Variants in UBE2E2 observed in about 807,000 individuals in gnomAD.
UBE2E2 encodes ubiquitin conjugating enzyme E2 E2.
A neutral mutation model predicts 24.7 loss-of-function variants in UBE2E2; 6 were observed. The observed-to-expected ratio is 0.24, with a 90% CI of 0.13 to 0.48. The LOEUF is 0.48. UBE2E2 is among the 20% of genes least tolerant of loss of function. The probability of loss-of-function intolerance (pLI) is 0.99; values close to 1 mark genes in which losing one functional copy is unlikely to be tolerated. For synonymous variants in UBE2E2, 104 were observed against 83.6 expected, an observed-to-expected ratio of 1.24 and a Z score of -1.33; for missense variants, 169 against 245.0, an observed-to-expected ratio of 0.69 and a Z score of 2.07.
intron 5 of UBE2E2, among the ~76,000 whole-genome samples, chr3:23,582,956 G>C (rs1696522526): frequency 6.6e-6 from 1 of 151,060 alleles, no homozygotes; most frequent in African/African-American, 2.4e-5. Context: ...GTCAATTTTT[G>C]TTTTTGTCGT....
intron 1 of UBE2E2, among the ~76,000 whole-genome samples, chr3:23,206,604 T>C (rs1159089569): frequency 1.3e-5 from 2 of 152,142 alleles, no homozygotes; most frequent in Admixed American, 6.6e-5. Flanking sequence ...TGGTGGTGTG[T>C]GTGGTGTGTC....
At chr3:23,270,814 C>T in intron 3 of UBE2E2, 1 of 408,924 alleles carries the variant, frequency 2.4e-6, no homozygotes, top group South Asian at 1.8e-5. Flanking sequence ...ATTCATTTAA[C>T]ACACTCTCTT....
intron 3 of UBE2E2, among the ~76,000 whole-genome samples, chr3:23,296,869 C>T (rs1698924585): frequency 1.3e-5 from 2 of 152,180 alleles, no homozygotes; most frequent in Admixed American, 1.3e-4. Flanking sequence ...TTCTAGATCC[C>T]TGAGGAGTCA....
intron 5 of UBE2E2, among the ~76,000 whole-genome samples, chr3:23,550,507 A>G (rs759776237): frequency 4.6e-5 from 7 of 152,192 alleles, no homozygotes; most frequent in South Asian, 2.1e-4. Flanking sequence ...GTCAAAGACT[A>G]TGTTGTCCAG....
intron 3 of UBE2E2, among the ~76,000 whole-genome samples, chr3:23,236,312 A>G (rs1011684094): frequency 1.3e-5 from 2 of 152,206 alleles, no homozygotes; most frequent in African/African-American, 4.8e-5. Flanking sequence ...TGAGATTTCA[A>G]GAGTAATTTC....
chr3:23,263,869 G>A lies in UBE2E2; in HGVS notation c.227+46557G>A, dbSNP rs191973980. ...TTAAAATTTTGGCGAAACTGCATAG[G>A]TCAGTTGTATCTTAGAATAGATAAA... On this transcript the variant is annotated intron_variant, in intron 3 of 5. Coordinates refer to ENST00000396703, the MANE Select transcript of UBE2E2 (RefSeq NM_152653.4). Among the ~76,000 whole-genome samples, 938 of 152,140 alleles carry A rather than the reference G, an allele frequency of 6.2e-3. 14 individuals carry two copies. Among genetic ancestry groups the A allele is most frequent in the African/African-American group, 0.021 (870 of 41,526 alleles).
Position 23,522,423 on chromosome 3 carries a change from C to T in UBE2E2, c.361-10131C>T, listed in dbSNP as rs1338735266. Among the ~76,000 whole-genome samples the T allele has an allele frequency of 6.6e-5, 10 of 152,160 alleles. No individual in the cohort carries two copies. In the East Asian group the frequency reaches 1.2e-3, roughly 18 times the overall value. On this transcript the variant is annotated intron_variant, in intron 4 of 5. Transcript: ENST00000396703. ...CTGGGATTACAGGCGTGAGCCACCGCGCCTGGCCATAACCAGCTTATTTTT... is the reference window on the plus strand; with the variant it reads ...CTGGGATTACAGGCGTGAGCCACCGTGCCTGGCCATAACCAGCTTATTTTT...
chr3:23,331,778 A>G (rs1695065886), intron 3 of UBE2E2, among the ~76,000 whole-genome samples: 1 of 152,124 alleles, frequency 6.6e-6, no homozygotes, highest in Non-Finnish European at 1.5e-5. Context: ...AGGATATGGT[A>G]AAGACTTTGG....
chr3:23,557,033 G>A (rs1346579421), intron 5 of UBE2E2, among the ~76,000 whole-genome samples: 1 of 152,146 alleles, frequency 6.6e-6, no homozygotes, highest in South Asian at 2.1e-4. Flanking sequence ...ACTCCTAAAG[G>A]AAGACCTAAA....
intron 3 of UBE2E2, among the ~76,000 whole-genome samples, chr3:23,418,206 C>G (rs1389329897): frequency 6.6e-6 from 1 of 152,198 alleles, no homozygotes; most frequent in East Asian, 1.9e-4. Context: ...GAGGGAATCT[C>G]CTGGTCTGCA....
chr3:23,458,966 G>T (rs907345478), intron 3 of UBE2E2, among the ~76,000 whole-genome samples: 3 of 152,104 alleles, frequency 2.0e-5, no homozygotes, highest in African/African-American at 7.2e-5. Context: ...AGAAAGTAAG[G>T]TCATCATGAG....
At chr3:23,328,898 A>G (rs1193958869) in intron 3 of UBE2E2, among the ~76,000 whole-genome samples, 1 of 152,024 alleles carries the variant, frequency 6.6e-6, no homozygotes, top group African/African-American at 2.4e-5. Flanking sequence ...CTGACCTCAA[A>G]TGATCCGCCC....
chr3:23,278,231 A>C (rs915992923), intron 3 of UBE2E2, among the ~76,000 whole-genome samples: 1 of 152,148 alleles, frequency 6.6e-6, no homozygotes, highest in South Asian at 2.1e-4. Flanking sequence ...TGTATGTATG[A>C]AAAACAGTAT....
intron 5 of UBE2E2, among the ~76,000 whole-genome samples, chr3:23,550,730 T>C (rs1262494913): frequency 3.3e-5 from 5 of 152,276 alleles, no homozygotes; most frequent in Admixed American, 6.5e-5. Context: ...CCCAGCTTAC[T>C]GCCTAGAAGC....
intron 3 of UBE2E2, among the ~76,000 whole-genome samples, chr3:23,372,457 A>G (rs186350133): frequency 7.0e-4 from 106 of 152,294 alleles, no homozygotes; most frequent in Admixed American, 2.0e-3. Context: ...CCTCTGCACT[A>G]TTAGTTGGTG....
intron 2 of UBE2E2, 81 bp downstream of exon 2, chr3:23,208,956 T>G: frequency 7.3e-7 from 1 of 1,378,322 alleles, no homozygotes; most frequent in Admixed American, 2.8e-5. Context: ...ATTTAATCAT[T>G]TTTTCTGGGA....
At chr3:23,415,799 G>A (rs954214701) in intron 3 of UBE2E2, among the ~76,000 whole-genome samples, 15 of 151,864 alleles carry the variant, frequency 9.9e-5, no homozygotes, top group African/African-American at 3.4e-4. Flanking sequence ...GAACGTGCAG[G>A]TTTGTTACAT....
Position 23,451,468 on chromosome 3 carries a change from G to A in UBE2E2, c.228-48140G>A, listed in dbSNP as rs1401023222. On this transcript the variant is annotated intron_variant, in intron 3 of 5. Coordinates refer to ENST00000396703, the MANE Select transcript of UBE2E2 (RefSeq NM_152653.4). ...TTTGAGCAGGGTTGCTGAGCTGATC[G>A]GTGTGGCAGGTCTGCAATTGATAGC... 2.6e-5 allele frequency among the ~76,000 whole-genome samples: 4 copies of A among 152,094 alleles called. No homozygotes were observed. In the East Asian group the frequency reaches 7.7e-4, roughly 29 times the overall value.
intron 3 of UBE2E2, among the ~76,000 whole-genome samples, chr3:23,406,423 C>A (rs1037816269): frequency 6.6e-6 from 1 of 152,088 alleles, no homozygotes; most frequent in Admixed American, 6.6e-5. Flanking sequence ...TCTGTAAAAT[C>A]GCAAGACTAA....
Sources: allele counts gnomAD v4.1 joint callset (sites outside exome capture counted in the v4.1 genomes callset), GRCh38; gene constraint gnomAD v4.1.1; transcripts MANE v1.5; gene names NCBI Gene and HGNC (gene_info 2026-07-23, HGNC 2026-07-21).